The following HIVEP1 variants were observed in gnomAD, a reference collection of about 807,000 sequenced individuals.
The protein encoded by HIVEP1 is HIVEP zinc finger 1, also known as zinc finger protein 40.
A neutral mutation model predicts 180.0 loss-of-function variants in HIVEP1; 36 were observed. That is an observed-to-expected ratio of 0.20 (90% CI 0.15 to 0.26). HIVEP1 has a LOEUF of 0.26. Among genes scored for constraint, HIVEP1 ranks in the 10% least tolerant of loss-of-function variants. The pLI, the probability that HIVEP1 is intolerant of heterozygous loss-of-function variation, is 1.00. For missense variants in HIVEP1, 3,143 were observed against 3,268.7 expected (o/e 0.96, Z 0.94); for synonymous variants, 1,239 against 1,239.0 (o/e 1.00, Z 0.00).
intron 3 of HIVEP1, among the ~76,000 whole-genome samples, chr6:12,098,925 T>C (rs1435796278): frequency 6.6e-6 from 1 of 152,226 alleles, no homozygotes; most frequent in Non-Finnish European, 1.5e-5. Flanking sequence ...GCTTAGAATT[T>C]TTCCCTGACC....
intron 2 of HIVEP1, among the ~76,000 whole-genome samples, chr6:12,044,160 T>G (rs1441886721): frequency 6.6e-6 from 1 of 152,116 alleles, no homozygotes. Flanking sequence ...GCAAATGGGT[T>G]TCTGGGCTCC....
At chr6:12,116,859 T>C (rs1161029996) in intron 3 of HIVEP1, among the ~76,000 whole-genome samples, 2 of 152,126 alleles carry the variant, frequency 1.3e-5, no homozygotes, top group Non-Finnish European at 2.9e-5. Flanking sequence ...GAAACACAAG[T>C]GTTTTTAAGT....
At chr6:12,202,511 G>A in the HIVEP1 span, among the ~76,000 whole-genome samples, 1 of 152,086 alleles carries the variant, frequency 6.6e-6, no homozygotes, top group East Asian at 1.9e-4. Context: ...TGTTGGAAAT[G>A]GAAAAATGAC....
intron 3 of HIVEP1, among the ~76,000 whole-genome samples, chr6:12,093,924 TA>T (rs2113355944): frequency 6.6e-6 from 1 of 152,184 alleles, no homozygotes; most frequent in South Asian, 2.1e-4. Context: ...ATCAGGTCTT[TA>T]AAAAACTTGT....
intron 3 of HIVEP1, among the ~76,000 whole-genome samples, chr6:12,108,663 G>C (rs1165858134): frequency 6.6e-6 from 1 of 152,214 alleles, no homozygotes; most frequent in Non-Finnish European, 1.5e-5. Flanking sequence ...GGGGCCAGCA[G>C]GGCCGGCCGG....
At chr6:12,194,037 G>T in the HIVEP1 span, among the ~76,000 whole-genome samples, 3 of 113,402 alleles carry the variant, frequency 2.6e-5, no homozygotes, top group African/African-American at 8.9e-5. Context: ...CCTTGAAATG[G>T]GGCTGGTCTG....
Position 12,124,090 on chromosome 6 carries a change from A to G in HIVEP1, c.4295A>G (p.Gln1432Arg). 1.2e-6 allele frequency: 2 copies of G among 1,614,138 alleles called. No individual in the cohort carries two copies. Among genetic ancestry groups the G allele is most frequent in the Non-Finnish European group, 1.7e-6 (2 of 1,179,998 alleles). ...AGAAGGAGAGGCCCACTGGTACGGC[A>G]AATATCTTTAAACATAGCCCCAGAT... ...LERRRGPLVR[Q>R]ISLNIAPDSH... Residue 1432 changes from glutamine (Q) to arginine (R), a missense_variant, in exon 4 of 9, where the codon CAA becomes CGA. Gln to Arg is a conservative substitution (Grantham distance 43, BLOSUM62 1). Coordinates refer to ENST00000379388, the MANE Select transcript of HIVEP1 (RefSeq NM_002114.4).
In HIVEP1 at chr6:12,120,241, A is replaced by G; in HGVS notation, c.446A>G (p.Glu149Gly). 1 of 1,614,220 alleles carries G rather than the reference A, an allele frequency of 6.2e-7. No individual in the cohort carries two copies. The highest frequency in any genetic ancestry group is 8.5e-7 in the Non-Finnish European group (1 of 1,180,028). The stretch of plus-strand genomic sequence containing the variant: ...TCTGAACTGCGTAGATGGAGATCCG[A>G]AGGCGCTGATCCTGCCAAATTCAGT... Reference protein sequence around the residue: ...QPSELRRWRSEGADPAKFSDL... With the variant: ...QPSELRRWRSGGADPAKFSDL... The change falls in exon 4 of 9, where the codon GAA becomes GGA. Residue 149 changes from glutamate (E) to glycine (G), a missense_variant. Around this residue, in one of 12 missense-constraint regions of HIVEP1, gnomAD observed 306 missense variants for 310.6 expected, o/e 0.99. Coordinates refer to ENST00000379388, the MANE Select transcript of HIVEP1 (RefSeq NM_002114.4).
chr6:12,106,581 A>G (rs1385323063), intron 3 of HIVEP1, among the ~76,000 whole-genome samples: 3 of 152,172 alleles, frequency 2.0e-5, no homozygotes, highest in Non-Finnish European at 4.4e-5. Context: ...GTGTTTCTGT[A>G]CTGAACTCTT....
chr6:12,155,628 A>G (rs1405619526), intron 7 of HIVEP1, among the ~76,000 whole-genome samples: 1 of 152,196 alleles, frequency 6.6e-6, no homozygotes, highest in Non-Finnish European at 1.5e-5. Flanking sequence ...TATGGTGTAC[A>G]TGCACCACGT....
At chr6:12,182,119 C>T in the HIVEP1 span, among the ~76,000 whole-genome samples, 5 of 152,106 alleles carry the variant, frequency 3.3e-5, no homozygotes, top group Non-Finnish European at 7.4e-5. Context: ...CAAGCACTTC[C>T]TGTATTAACA....
downstream of HIVEP1, among the ~76,000 whole-genome samples, chr6:12,168,278 ATATAT>A (rs780953663): frequency 8.9e-4 from 108 of 121,100 alleles, 1 homozygote; most frequent in East Asian, 5.9e-3. Flanking sequence ...ACATATATAC[ATATAT>A]TATATACATA....
intron 2 of HIVEP1, among the ~76,000 whole-genome samples, chr6:12,048,911 A>G (rs149054482): frequency 6.6e-6 from 1 of 152,156 alleles, no homozygotes; most frequent in African/African-American, 2.4e-5. Context: ...TGTGGTATCT[A>G]CTGGGCACAC....
At chr6:12,107,672 C>A (rs1043894466) in intron 3 of HIVEP1, among the ~76,000 whole-genome samples, 5 of 152,312 alleles carry the variant, frequency 3.3e-5, no homozygotes, top group Admixed American at 1.3e-4. Flanking sequence ...GTGAGTGTTA[C>A]AGCTCATAAA....
chr6:12,129,730 A>G, intron 4 of HIVEP1, 29 bp from the exon 5 acceptor site: 1 of 1,556,896 alleles, frequency 6.4e-7, no homozygotes, highest in Non-Finnish European at 8.9e-7. Context: ...CAGTTTTATT[A>G]AATTAGTTTC....
At chr6:12,111,625 T>C (rs1428551713) in intron 3 of HIVEP1, among the ~76,000 whole-genome samples, 4 of 152,224 alleles carry the variant, frequency 2.6e-5, no homozygotes, top group Non-Finnish European at 2.9e-5. Flanking sequence ...GGACGGGAGC[T>C]CTCTTTCTCC....
chr6:12,091,274 T>C (rs1276875657), intron 3 of HIVEP1, among the ~76,000 whole-genome samples: 9 of 152,126 alleles, frequency 5.9e-5, no homozygotes. Flanking sequence ...TCATCTACAA[T>C]AGATCTCTTT....
chr6:12,017,198 T>C (rs1179374766), intron 2 of HIVEP1, among the ~76,000 whole-genome samples: 4 of 152,184 alleles, frequency 2.6e-5, no homozygotes, highest in Non-Finnish European at 5.9e-5. Context: ...ATCAAATAAA[T>C]GTTCAACTCA....
intron 2 of HIVEP1, among the ~76,000 whole-genome samples, chr6:12,086,076 T>G (rs1234277809): frequency 1.3e-5 from 2 of 152,172 alleles, no homozygotes; most frequent in Admixed American, 1.3e-4. Context: ...ACAGTTTCTG[T>G]GTATACATTT....
Sources: gnomAD v4.1 joint callset for allele counts (sites outside exome capture counted in the v4.1 genomes callset) on GRCh38, gnomAD v4.1.1 for gene constraint, gnomAD v4.1.1 regional missense constraint, MANE v1.5 for transcripts, NCBI Gene and HGNC (gene_info 2026-07-23, HGNC 2026-07-21) for gene names.